Variants in FARS2 observed in about 807,000 individuals in gnomAD.
The protein encoded by FARS2 is phenylalanyl-tRNA synthetase 2, mitochondrial.
Under a neutral mutation model 46.4 loss-of-function variants are expected in FARS2, and 40 were observed. The ratio of observed to expected loss-of-function variants is 0.86; its 90% CI spans 0.67 to 1.12. FARS2 has a LOEUF of 1.12. Ranked by LOEUF, FARS2 falls within the 50% of genes most tolerant of loss-of-function variation. The pLI is 0.00. For synonymous variants in FARS2, 234 were observed against 214.9 expected (o/e 1.09, Z -0.78); for missense variants, 513 against 567.9 (o/e 0.90, Z 0.98).
intron 4 of FARS2, among the ~76,000 whole-genome samples, chr6:5,497,569 C>A (rs1338495600): frequency 6.6e-6 from 1 of 152,174 alleles, no homozygotes; most frequent in African/African-American, 2.4e-5. Context: ...TTTCAACAAA[C>A]ATCATTTCAC....
At chr6:5,693,767 C>T (rs111659214) in intron 6 of FARS2, among the ~76,000 whole-genome samples, 25 of 152,308 alleles carry the variant, frequency 1.6e-4, no homozygotes, top group African/African-American at 5.5e-4. Context: ...CGCTGGCTGG[C>T]TGCTGGGACT....
intron 1 of FARS2, among the ~76,000 whole-genome samples, chr6:5,355,951 C>T (rs1380740271): frequency 3.9e-5 from 6 of 152,146 alleles, no homozygotes; most frequent in South Asian, 2.1e-4. Flanking sequence ...GCACTTGAGG[C>T]GCTTTCATGG....
intron 6 of FARS2, among the ~76,000 whole-genome samples, chr6:5,740,500 G>T (rs1433122769): frequency 7.0e-6 from 1 of 142,672 alleles, no homozygotes; most frequent in Non-Finnish European, 1.5e-5. Flanking sequence ...CCAAGTAAGG[G>T]TTTTTTTTTT....
chr6:5,336,442 A>G (rs1581812996), intron 1 of FARS2, among the ~76,000 whole-genome samples: 1 of 152,056 alleles, frequency 6.6e-6, no homozygotes, highest in East Asian at 1.9e-4. Flanking sequence ...TGTGGATCTC[A>G]TAAACCTATG....
At chr6:5,531,735 A>G (rs752026031) in intron 4 of FARS2, among the ~76,000 whole-genome samples, 34 of 152,224 alleles carry the variant, frequency 2.2e-4, no homozygotes, top group Admixed American at 2.0e-3. Flanking sequence ...TGGAAAGTCA[A>G]TCATCCGGTG....
intron 2 of FARS2, among the ~76,000 whole-genome samples, chr6:5,398,037 G>T (rs970926483): frequency 6.6e-6 from 1 of 152,158 alleles, no homozygotes; most frequent in Non-Finnish European, 1.5e-5. Context: ...CATGAAGAAC[G>T]TGGTGGTGAT....
chr6:5,272,886 A>G (rs1766064473), intron 1 of FARS2, among the ~76,000 whole-genome samples: 1 of 152,158 alleles, frequency 6.6e-6, no homozygotes, highest in Admixed American at 6.5e-5. Context: ...TTTAGCTCCG[A>G]CATACGAGTA....
At chr6:5,492,654 A>C (rs1767192798) in intron 4 of FARS2, among the ~76,000 whole-genome samples, 2 of 152,210 alleles carry the variant, frequency 1.3e-5, no homozygotes, top group Non-Finnish European at 2.9e-5. Context: ...TTTATTTTGT[A>C]TTCAACAAGT....
At chr6:5,484,957 C>A (rs974244427) in intron 4 of FARS2, among the ~76,000 whole-genome samples, 1 of 152,190 alleles carries the variant, frequency 6.6e-6, no homozygotes, top group African/African-American at 2.4e-5. Flanking sequence ...CCAGATTAGA[C>A]ACTGTGGGTG....
rs754954575 is a variant in FARS2, at chr6:5,404,565, A to G, written c.636A>G (p.Gly212=). The G allele has an allele frequency of 6.2e-7, 1 of 1,604,344 alleles. No homozygotes were observed. The change falls in exon 3 of 7, where the codon GGA becomes GGG. Residue 212 remains glycine (G), a synonymous_variant. Coordinates refer to ENST00000274680, the MANE Select transcript of FARS2 (RefSeq NM_006567.5). The part of the protein sequence containing the change: ...KHELFAGIKD[G]ESLQLFEQSS... ...AGTTATTTGCTGGTATAAAGGATGG[A>G]GAAAGCCTGCAGCTCTTTGAACAAA...
At chr6:5,466,239 T>A (rs950367566) in intron 4 of FARS2, among the ~76,000 whole-genome samples, 1 of 152,218 alleles carries the variant, frequency 6.6e-6, no homozygotes, top group Non-Finnish European at 1.5e-5. Context: ...GCTTCTCATC[T>A]GCAAAGTCTT....
chr6:5,436,719 A>G (rs1763541302), intron 4 of FARS2, among the ~76,000 whole-genome samples: 1 of 152,164 alleles, frequency 6.6e-6, no homozygotes, highest in Admixed American at 6.5e-5. Flanking sequence ...ATGTGTGACT[A>G]GTAATTACTT....
At chr6:5,688,698 G>A (rs562962866) in intron 6 of FARS2, among the ~76,000 whole-genome samples, 2 of 152,294 alleles carry the variant, frequency 1.3e-5, no homozygotes, top group Non-Finnish European at 2.9e-5. Flanking sequence ...TTTGGTATCA[G>A]GATGATGCTG....
chr6:5,345,530 C>T (rs1383419761), intron 1 of FARS2, among the ~76,000 whole-genome samples: 1 of 152,226 alleles, frequency 6.6e-6, no homozygotes, highest in Non-Finnish European at 1.5e-5. Context: ...ACTTTACCCA[C>T]AGCTTCTCAG....
chr6:5,480,256 A>G (rs1561650550), intron 4 of FARS2, among the ~76,000 whole-genome samples: 2 of 152,208 alleles, frequency 1.3e-5, no homozygotes, highest in African/African-American at 2.4e-5. Context: ...AAAGTTAAAT[A>G]TGAAGCCTTC....
At chr6:5,691,405 A>T (rs185893967) in intron 6 of FARS2, among the ~76,000 whole-genome samples, 3 of 152,142 alleles carry the variant, frequency 2.0e-5, no homozygotes, top group Admixed American at 2.0e-4. Context: ...TTTCCTTCTA[A>T]CAGTCAGGAC....
chr6:5,634,615 C>G lies in FARS2; in HGVS notation c.1217+21295C>G, dbSNP rs538982195. Among the ~76,000 whole-genome samples, 3 of 152,346 alleles carry G rather than the reference C, an allele frequency of 2.0e-5. No homozygotes were observed. In the East Asian group the frequency reaches 5.8e-4, roughly 29 times the overall value. On this transcript the variant is annotated intron_variant, in intron 6 of 6. Transcript: ENST00000274680. ...ATGAGCCACAATGCCAGGCCTTGCTCAATTTTTAAAATAGTACTTTAGGTA... is the reference window on the plus strand; with the variant it reads ...ATGAGCCACAATGCCAGGCCTTGCTGAATTTTTAAAATAGTACTTTAGGTA...
At chr6:5,655,593 C>T (rs1777570610) in intron 6 of FARS2, among the ~76,000 whole-genome samples, 1 of 152,168 alleles carries the variant, frequency 6.6e-6, no homozygotes, top group Non-Finnish European at 1.5e-5. Flanking sequence ...GCTTGTGGCC[C>T]CTTCCTCACA....
At chr6:5,298,693 C>A (rs910980643) in intron 1 of FARS2, among the ~76,000 whole-genome samples, 27 of 152,028 alleles carry the variant, frequency 1.8e-4, no homozygotes, top group Non-Finnish European at 1.8e-4. Flanking sequence ...TCTAATGTGC[C>A]ATCAAGATGT....
Sources: allele counts gnomAD v4.1 joint callset (sites outside exome capture counted in the v4.1 genomes callset), GRCh38; gene constraint gnomAD v4.1.1; transcripts MANE v1.5; gene names NCBI Gene and HGNC (gene_info 2026-07-23, HGNC 2026-07-21).